Variants in PPIL3 observed in about 807,000 individuals in gnomAD.
PPIL3 encodes peptidylprolyl isomerase like 3, also known as peptidyl-prolyl cis-trans isomerase-like 3.
Under a neutral mutation model 20.9 loss-of-function variants are expected in PPIL3, and 13 were observed. The ratio of observed to expected loss-of-function variants is 0.62; its 90% CI spans 0.40 to 0.99. The LOEUF is 0.99. Ranked by LOEUF, PPIL3 falls within the 50% of genes least tolerant of loss-of-function variation. The probability of loss-of-function intolerance (pLI) is 0.00; values close to 1 mark genes in which losing one functional copy is unlikely to be tolerated. For synonymous variants in PPIL3, 71 were observed against 64.4 expected, an observed-to-expected ratio of 1.10 and a Z score of -0.49; for missense variants, 170 against 195.2, an observed-to-expected ratio of 0.87 and a Z score of 0.77.
intron 2 of PPIL3, among the ~76,000 whole-genome samples, 169 bp from the exon 3 acceptor site, chr2:200,885,941 T>C (rs1383453417): frequency 6.6e-6 from 1 of 152,204 alleles, no homozygotes; most frequent in Admixed American, 6.5e-5. Flanking sequence ...TAAGTTGTAC[T>C]TTTTTCTCAA....
chr2:200,876,949 T>C lies in PPIL3; in HGVS notation c.329A>G (p.His110Arg). Residue 110 changes from histidine (H) to arginine (R), a missense_variant, in exon 6 of 7, where the codon CAT becomes CGT. Coordinates refer to ENST00000392283, the MANE Select transcript of PPIL3 (RefSeq NM_130906.3). ...AAATACGGTGTATTTCATGTCCAAA[T>C]GTGGCTGTTTGCCATAGGTGATGAA... ...QFFITYGKQP[H>R]LDMKYTVFGK... The C allele has an allele frequency of 6.2e-7, 1 of 1,612,804 alleles. No individual in the cohort carries two copies.
At chr2:200,872,875 GT>G (rs540748211) in intron 6 of PPIL3, among the ~76,000 whole-genome samples, 91 of 143,146 alleles carry the variant, frequency 6.4e-4, no homozygotes, top group Non-Finnish European at 6.8e-4. Context: ...CTTTGTACTT[GT>G]TTTTTTTTTT....
chr2:200,883,499 C>A (rs933549864), intron 3 of PPIL3, among the ~76,000 whole-genome samples: 2 of 151,952 alleles, frequency 1.3e-5, no homozygotes, highest in East Asian at 1.9e-4. Flanking sequence ...GCAGCTCACA[C>A]CTGTAATCTC....
chr2:200,881,631 T>A, intron 4 of PPIL3, 143 bp from the exon 5 acceptor site: 1 of 617,684 alleles, frequency 1.6e-6, no homozygotes, highest in Non-Finnish European at 2.7e-6. Context: ...TTCCCCAAAT[T>A]TAACTTCACA....
intron 6 of PPIL3, among the ~76,000 whole-genome samples, chr2:200,875,930 A>C (rs1390815603): frequency 6.6e-6 from 1 of 152,052 alleles, no homozygotes; most frequent in African/African-American, 2.4e-5. Flanking sequence ...TTCCTCCCTG[A>C]TACACAGAAG....
intron 3 of PPIL3, among the ~76,000 whole-genome samples, chr2:200,884,546 T>C (rs1188691921): frequency 6.6e-6 from 1 of 151,932 alleles, no homozygotes; most frequent in Admixed American, 6.6e-5. Context: ...GAGACCAAGT[T>C]GGGCAACATA....
intron 4 of PPIL3, 112 bp downstream of exon 4, chr2:200,882,230 T>C (rs985083712): frequency 2.6e-6 from 2 of 764,656 alleles, no homozygotes; most frequent in African/African-American, 1.7e-5. Flanking sequence ...ACAGAACTTA[T>C]TAAACAAAAC....
rs1300456850 is a variant in PPIL3 at position 200,877,019 on chromosome 2, C to T, written c.259G>A (p.Val87Ile). The T allele has an allele frequency of 6.2e-7, 1 of 1,609,626 alleles. No homozygotes were observed. The highest frequency in any genetic ancestry group is 1.1e-5 in the South Asian group (1 of 90,964). Residue 87 changes from valine (V) to isoleucine (I), a missense_variant, in exon 6 of 7, where the codon GTA becomes ATA. Physicochemically the swap from Val to Ile is conservative, Grantham distance 29. Coordinates refer to ENST00000392283, the MANE Select transcript of PPIL3 (RefSeq NM_130906.3). ...TTCGGGCCATTATTAGCCATAGATACAACACCTCTAACATTGTGCTGAAAA... is the reference window on the plus strand; with the variant it reads ...TTCGGGCCATTATTAGCCATAGATATAACACCTCTAACATTGTGCTGAAAA... Reference protein sequence around the residue: ...EYLKHNVRGVVSMANNGPNTN... With the variant: ...EYLKHNVRGVISMANNGPNTN...
At chr2:200,873,205 T>C (rs1332067804) in intron 6 of PPIL3, among the ~76,000 whole-genome samples, 1 of 151,602 alleles carries the variant, frequency 6.6e-6, no homozygotes, top group Non-Finnish European at 1.5e-5. Context: ...CTTTTTTTTT[T>C]TTTTTGAGAT....
At chr2:200,885,273 A>G in intron 3 of PPIL3, 1 of 333,350 alleles carries the variant, frequency 3.0e-6, no homozygotes, top group Non-Finnish European at 5.3e-6. Flanking sequence ...CGGGAGGCTG[A>G]GGCAGAAGAC....
At chr2:200,874,014 G>A (rs769619745) in intron 6 of PPIL3, among the ~76,000 whole-genome samples, 2 of 151,196 alleles carry the variant, frequency 1.3e-5, no homozygotes, top group Non-Finnish European at 3.0e-5. Flanking sequence ...GACCATCCTG[G>A]CTAACATGGT....
At position 200,887,661 on chromosome 2, in the gene PPIL3, T is replaced by C. The variant is rs1281336733; in HGVS notation, c.-46A>G. 5 of 1,562,352 alleles carry C rather than the reference T, an allele frequency of 3.2e-6. No individual in the cohort carries two copies. The Admixed American group carries it at 5.6e-5, about 17-fold the overall frequency. ...GGAAGGACTACGTGATTTCTCAGTCTTACAGCGAGCTCAAAAATAAGTCTC... is the reference window on the plus strand; with the variant it reads ...GGAAGGACTACGTGATTTCTCAGTCCTACAGCGAGCTCAAAAATAAGTCTC... On this transcript the variant is annotated 5_prime_UTR_variant, in exon 2 of 7. Coordinates refer to ENST00000392283, the MANE Select transcript of PPIL3 (RefSeq NM_130906.3).
intron 6 of PPIL3, among the ~76,000 whole-genome samples, chr2:200,872,017 A>C (rs1403151160): frequency 6.6e-6 from 1 of 152,160 alleles, no homozygotes; most frequent in Non-Finnish European, 1.5e-5. Flanking sequence ...CCTATAATTT[A>C]ATTGTGACAC....
At chr2:200,876,341 T>C (rs2105763579) in intron 6 of PPIL3, among the ~76,000 whole-genome samples, 1 of 152,016 alleles carries the variant, frequency 6.6e-6, no homozygotes, top group South Asian at 2.1e-4. Flanking sequence ...AAAATAGATA[T>C]ACTATGTTAA....
At chr2:200,874,531 A>G (rs1359804952) in intron 6 of PPIL3, among the ~76,000 whole-genome samples, 2 of 152,204 alleles carry the variant, frequency 1.3e-5, no homozygotes, top group Non-Finnish European at 2.9e-5. Flanking sequence ...GTGCATCTGT[A>G]TACAACAAAC....
intron 6 of PPIL3, among the ~76,000 whole-genome samples, chr2:200,872,369 T>C (rs1340012797): frequency 6.6e-6 from 1 of 152,136 alleles, no homozygotes; most frequent in Non-Finnish European, 1.5e-5. Context: ...TTCACCAACC[T>C]GGAAGCTCTC....
intron 5 of PPIL3, among the ~76,000 whole-genome samples, chr2:200,879,284 A>G (rs1354722465): frequency 6.6e-6 from 1 of 151,802 alleles, no homozygotes; most frequent in African/African-American, 2.4e-5. Context: ...ACACCTGGCT[A>G]ATTTTTTGTA....
At chr2:200,879,354 C>T (rs964685672) in intron 5 of PPIL3, among the ~76,000 whole-genome samples, 5 of 151,930 alleles carry the variant, frequency 3.3e-5, no homozygotes, top group South Asian at 2.1e-4. Flanking sequence ...CTCCTGCCCT[C>T]GTGATCCGCC....
chr2:200,886,117 T>C lies in PPIL3; in HGVS notation c.4-345A>G, dbSNP rs561235556. 5.6e-3 allele frequency among the ~76,000 whole-genome samples: 848 copies of C among 152,362 alleles called. 2 individuals carry two copies. Among genetic ancestry groups the C allele is most frequent in the Non-Finnish European group, 9.6e-3 (650 of 68,030 alleles). On this transcript the variant is annotated intron_variant, in intron 2 of 6. Transcript: ENST00000392283. ...AATTGTTATGTATTATTGATGTACATGGCAATTCACCAACATCCTTATTTA... is the reference window on the plus strand; with the variant it reads ...AATTGTTATGTATTATTGATGTACACGGCAATTCACCAACATCCTTATTTA...
Sources: allele counts gnomAD v4.1 joint callset (sites outside exome capture counted in the v4.1 genomes callset), GRCh38; gene constraint gnomAD v4.1.1; transcripts MANE v1.5; gene names NCBI Gene and HGNC (gene_info 2026-07-23, HGNC 2026-07-21).